The following PLD5 variants were observed in gnomAD, a reference collection of about 807,000 sequenced individuals.
PLD5 encodes phospholipase D family member 5.
PLD5 carries 36 observed loss-of-function variants against 61.1 expected under a neutral mutation model. The ratio of observed to expected loss-of-function variants is 0.59; its 90% CI spans 0.45 to 0.78. The LOEUF is 0.78. Among genes scored for constraint, PLD5 ranks in the 30% least tolerant of loss-of-function variants. The probability of loss-of-function intolerance (pLI) is 0.00; values close to 1 mark genes in which losing one functional copy is unlikely to be tolerated. For synonymous variants in PLD5, 243 were observed against 242.8 expected, an observed-to-expected ratio of 1.00 and a Z score of -0.01; for missense variants, 515 against 644.4, an observed-to-expected ratio of 0.80 and a Z score of 2.17.
chr1:242,346,014 C>G (rs1660108166), intron 2 of PLD5, among the ~76,000 whole-genome samples: 1 of 60,764 alleles, frequency 1.6e-5, no homozygotes, highest in Non-Finnish European at 3.1e-5. Context: ...GAAAAGATCT[C>G]CCCCCCCCCC....
chr1:242,175,851 T>C (rs895556052), intron 5 of PLD5, among the ~76,000 whole-genome samples: 1 of 151,920 alleles, frequency 6.6e-6, no homozygotes, highest in African/African-American at 2.4e-5. Flanking sequence ...CATTTGCAAT[T>C]GCTACTAATG....
rs1197929775 is a variant in PLD5, at chr1:242,286,564, T to G, written c.495+1798A>C. 2.9e-5 allele frequency among the ~76,000 whole-genome samples: 4 copies of G among 136,968 alleles called. No homozygotes were observed. The East Asian group carries it at 7.8e-4, about 27-fold the overall frequency. The allele number at this position is 136,968 out of a possible 152,430, so 89.9% of individuals were successfully genotyped here. The stretch of plus-strand genomic sequence containing the variant: ...CTATCTCCCACTGGTTTTATACCCC[T>G]TCTATATCTCCTAGTGACTCCCCTA... On this transcript the variant is annotated intron_variant, in intron 3 of 9. Transcript: ENST00000536534.
chr1:242,506,361 G>A (rs906143652), intron 1 of PLD5, among the ~76,000 whole-genome samples: 5 of 152,146 alleles, frequency 3.3e-5, no homozygotes, highest in Non-Finnish European at 4.4e-5. Flanking sequence ...AGGCATCCAC[G>A]TTTGCTATTT....
At chr1:242,434,243 A>G (rs985355044) in intron 1 of PLD5, among the ~76,000 whole-genome samples, 2 of 152,224 alleles carry the variant, frequency 1.3e-5, no homozygotes, top group Non-Finnish European at 2.9e-5. Context: ...TGGATACCTC[A>G]TGAATGTTGG....
intron 4 of PLD5, among the ~76,000 whole-genome samples, chr1:242,261,324 C>T (rs1185757145): frequency 6.6e-6 from 1 of 152,176 alleles, no homozygotes; most frequent in East Asian, 1.9e-4. Flanking sequence ...ACCTTTACTG[C>T]TACTTCATAC....
At chr1:242,138,399 G>A (rs1328398546) in intron 5 of PLD5, among the ~76,000 whole-genome samples, 2 of 152,046 alleles carry the variant, frequency 1.3e-5, no homozygotes, top group Non-Finnish European at 2.9e-5. Flanking sequence ...CCAACATTCT[G>A]TAGGATTCAA....
At chr1:242,495,590 A>G (rs1668344873) in intron 1 of PLD5, among the ~76,000 whole-genome samples, 1 of 152,192 alleles carries the variant, frequency 6.6e-6, no homozygotes, top group Admixed American at 6.5e-5. Flanking sequence ...TTACAGACAT[A>G]TTAGTGTTCA....
intron 2 of PLD5, among the ~76,000 whole-genome samples, chr1:242,322,102 T>A (rs529061593): frequency 4.6e-4 from 70 of 152,276 alleles, no homozygotes; most frequent in African/African-American, 1.6e-3. Context: ...TTGGGAAGTG[T>A]CTGCATGTGT....
intron 1 of PLD5, among the ~76,000 whole-genome samples, chr1:242,495,137 A>G (rs1390559020): frequency 6.6e-6 from 1 of 152,144 alleles, no homozygotes; most frequent in Non-Finnish European, 1.5e-5. Context: ...AAGATGACAT[A>G]AACTAGATTT....
chr1:242,224,772 T>A (rs1049365130), intron 4 of PLD5, among the ~76,000 whole-genome samples: 2 of 152,202 alleles, frequency 1.3e-5, no homozygotes, highest in Non-Finnish European at 2.9e-5. Context: ...TTAGTGACAG[T>A]TTTTAAATCC....
chr1:242,265,237 A>C (rs1673597098), intron 4 of PLD5, 100 bp downstream of exon 4: 1 of 1,409,534 alleles, frequency 7.1e-7, no homozygotes, highest in East Asian at 2.7e-5. Context: ...ACTAAGTGAA[A>C]TGTACTAACC....
At chr1:242,229,871 C>T (rs1030305824) in intron 4 of PLD5, among the ~76,000 whole-genome samples, 11 of 151,358 alleles carry the variant, frequency 7.3e-5, no homozygotes, top group Admixed American at 2.6e-4. Context: ...TTTTCCTTGC[C>T]CTATGTCACT....
intron 5 of PLD5, among the ~76,000 whole-genome samples, chr1:242,129,524 A>C (rs1276479745): frequency 1.3e-5 from 2 of 152,222 alleles, no homozygotes; most frequent in African/African-American, 4.8e-5. Context: ...ATTTATGACA[A>C]ATTTTAAAAT....
At chr1:242,125,686 G>C (rs894820745) in intron 5 of PLD5, among the ~76,000 whole-genome samples, 6 of 152,176 alleles carry the variant, frequency 3.9e-5, no homozygotes, top group Admixed American at 6.5e-5. Flanking sequence ...GCTCTCTAAA[G>C]ACCCAGGGCC....
At chr1:242,308,828 A>G (rs556182384) in intron 2 of PLD5, among the ~76,000 whole-genome samples, 60 of 152,324 alleles carry the variant, frequency 3.9e-4, no homozygotes, top group African/African-American at 1.2e-3. Flanking sequence ...TGGGAAAAAT[A>G]AAAGAATCAC....
intron 1 of PLD5, among the ~76,000 whole-genome samples, chr1:242,523,329 C>T (rs1282333873): frequency 1.3e-5 from 2 of 151,494 alleles, no homozygotes; most frequent in Non-Finnish European, 2.9e-5. Context: ...ATCCACTAAA[C>T]GCCTTTTTAG....
chr1:242,472,010 C>T (rs527652790), intron 1 of PLD5, among the ~76,000 whole-genome samples: 2 of 152,276 alleles, frequency 1.3e-5, no homozygotes, highest in South Asian at 4.1e-4. Context: ...TGGGAGACCA[C>T]CCTGTTCGAT....
chr1:242,245,895 C>G (rs1015614776), intron 4 of PLD5, among the ~76,000 whole-genome samples: 2 of 152,130 alleles, frequency 1.3e-5, no homozygotes, highest in Non-Finnish European at 2.9e-5. Context: ...TCACAGCCCC[C>G]CTTCTTCCTT....
chr1:242,205,013 T>C (rs531278779), intron 5 of PLD5, among the ~76,000 whole-genome samples: 1 of 152,146 alleles, frequency 6.6e-6, no homozygotes, highest in Non-Finnish European at 1.5e-5. Flanking sequence ...ATATTTGAAT[T>C]TGGGGGGCTT....
Sources: gnomAD v4.1 joint callset for allele counts (sites outside exome capture counted in the v4.1 genomes callset) on GRCh38, gnomAD v4.1.1 for gene constraint, MANE v1.5 for transcripts, NCBI Gene and HGNC (gene_info 2026-07-23, HGNC 2026-07-21) for gene names.